The following ROBO2 variants were observed in gnomAD, a reference collection of about 807,000 sequenced individuals.
ROBO2 encodes roundabout homolog 2.
A neutral mutation model predicts 160.8 loss-of-function variants in ROBO2; 53 were observed. That is an observed-to-expected ratio of 0.33 (90% CI 0.26 to 0.41). The LOEUF is 0.41. ROBO2 is among the 10% of genes least tolerant of loss of function. The pLI is 1.00. For synonymous variants in ROBO2, 664 were observed against 611.7 expected (o/e 1.09, Z -1.26); for missense variants, 1,577 against 1,722.4 (o/e 0.92, Z 1.49).
chr3:77,353,107 A>AT (rs11274865), intron 2 of ROBO2, among the ~76,000 whole-genome samples: 76,300 of 151,938 alleles, frequency 0.5, 19,584 homozygotes, highest in East Asian at 0.8. Context: ...ATAGTTTAAA[A>AT]ATTTATTTTT....
intron 2 of ROBO2, among the ~76,000 whole-genome samples, chr3:76,223,567 T>C (rs1704108528): frequency 6.6e-6 from 1 of 152,132 alleles, no homozygotes; most frequent in Non-Finnish European, 1.5e-5. Context: ...TCCCAGCTTA[T>C]AGGTTTCAGT....
chr3:76,601,413 T>A (rs2087131769), intron 2 of ROBO2, among the ~76,000 whole-genome samples: 1 of 152,170 alleles, frequency 6.6e-6, no homozygotes, highest in African/African-American at 2.4e-5. Flanking sequence ...TGCAGCAAAC[T>A]TTAGCCTGGG....
chr3:76,578,784 A>G (rs994129699), intron 2 of ROBO2, among the ~76,000 whole-genome samples: 2 of 152,056 alleles, frequency 1.3e-5, no homozygotes, highest in Non-Finnish European at 2.9e-5. Context: ...AATATATTCA[A>G]CAGCCTCCAC....
At position 77,477,920 on chromosome 3, in the gene ROBO2, G is replaced by A. The variant is rs985416911; in HGVS notation, c.546+349G>A. ...CTGCTCACCGCAACCTCTGCCTCCCGGTTTCAAGTGATTCTTCTGCCTTAG... is the reference window on the plus strand; with the variant it reads ...CTGCTCACCGCAACCTCTGCCTCCCAGTTTCAAGTGATTCTTCTGCCTTAG... On this transcript the variant is annotated intron_variant, in intron 3 of 25. Transcript: ENST00000461745. 6.8e-5 allele frequency among the ~76,000 whole-genome samples: 9 copies of A among 132,398 alleles called. No individual in the cohort carries two copies. The East Asian group carries it at 7.2e-4, about 11-fold the overall frequency. 86.9% of individuals were successfully genotyped at this position (132,398 alleles called of 152,430 possible).
At chr3:76,491,045 C>T (rs1023635281) in intron 2 of ROBO2, among the ~76,000 whole-genome samples, 2 of 151,824 alleles carry the variant, frequency 1.3e-5, no homozygotes, top group Admixed American at 6.6e-5. Flanking sequence ...CTGCAACCTC[C>T]GCCTCCCAGG....
At chr3:77,295,134 G>C (rs2153402392) in intron 2 of ROBO2, among the ~76,000 whole-genome samples, 1 of 149,910 alleles carries the variant, frequency 6.7e-6, no homozygotes, top group Non-Finnish European at 1.5e-5. Flanking sequence ...GGTCACCCCA[G>C]ATATAAAGTA....
intron 2 of ROBO2, among the ~76,000 whole-genome samples, chr3:76,278,825 G>A (rs961954077): frequency 1.3e-5 from 2 of 151,878 alleles, no homozygotes; most frequent in Non-Finnish European, 2.9e-5. Flanking sequence ...ATTTTGGAGA[G>A]AATGTGAACG....
upstream of ROBO2, among the ~76,000 whole-genome samples, chr3:77,039,251 C>G (rs73110408): frequency 7.8e-3 from 1,192 of 152,278 alleles, 10 homozygotes; most frequent in Non-Finnish European, 0.013. Context: ...CTTTCCAGTC[C>G]AAAAGGTGCT....
intron 2 of ROBO2, among the ~76,000 whole-genome samples, chr3:76,634,508 C>T (rs1047302186): frequency 1.3e-5 from 2 of 151,238 alleles, no homozygotes; most frequent in Non-Finnish European, 2.9e-5. Context: ...GCAGGGGTTG[C>T]AGTGAGCCGA....
At chr3:77,554,542 C>T (rs1057504647) in intron 8 of ROBO2, among the ~76,000 whole-genome samples, 1 of 151,912 alleles carries the variant, frequency 6.6e-6, no homozygotes, top group East Asian at 1.9e-4. Context: ...CCATTAAGAA[C>T]ATTTATGATT....
chr3:76,159,945 C>T (rs2072556261), intron 2 of ROBO2, among the ~76,000 whole-genome samples: 1 of 152,082 alleles, frequency 6.6e-6, no homozygotes, highest in South Asian at 2.1e-4. Flanking sequence ...GATTTTCCAT[C>T]AAAACTCTTA....
At chr3:76,222,114 A>C (rs545711272) in intron 2 of ROBO2, among the ~76,000 whole-genome samples, 160 of 152,222 alleles carry the variant, frequency 1.1e-3, no homozygotes, top group African/African-American at 3.1e-3. Flanking sequence ...TGCTGAGTGC[A>C]TGCATAACCT....
At chr3:75,978,772 A>G (rs144661962) in intron 2 of ROBO2, among the ~76,000 whole-genome samples, 70 of 151,702 alleles carry the variant, frequency 4.6e-4, no homozygotes, top group African/African-American at 1.5e-3. Flanking sequence ...ACAGTTATTT[A>G]TACCAGTAAT....
chr3:76,093,221 C>A (rs1425345222), intron 2 of ROBO2, among the ~76,000 whole-genome samples: 1 of 151,960 alleles, frequency 6.6e-6, no homozygotes, highest in African/African-American at 2.4e-5. Context: ...CAGTCCCTGA[C>A]ATTAACACCA....
intron 2 of ROBO2, among the ~76,000 whole-genome samples, chr3:76,291,763 A>C (rs1708815655): frequency 6.6e-6 from 1 of 152,068 alleles, no homozygotes; most frequent in South Asian, 2.1e-4. Context: ...TTATGCCTTA[A>C]TTTCATTATT....
chr3:77,252,669 G>T (rs1031447775), intron 2 of ROBO2, among the ~76,000 whole-genome samples: 2 of 150,088 alleles, frequency 1.3e-5, no homozygotes, highest in Non-Finnish European at 3.0e-5. Context: ...TTAGCTGGGC[G>T]TGGTGGCGGG....
At chr3:77,328,980 T>C (rs903653164) in intron 2 of ROBO2, among the ~76,000 whole-genome samples, 1 of 152,218 alleles carries the variant, frequency 6.6e-6, no homozygotes, top group Non-Finnish European at 1.5e-5. Context: ...CAACTTTTAA[T>C]TTTTTCTTTT....
chr3:77,440,680 A>G (rs923779584), intron 2 of ROBO2, among the ~76,000 whole-genome samples: 2 of 152,212 alleles, frequency 1.3e-5, no homozygotes, highest in South Asian at 2.1e-4. Context: ...ATTATTCTCA[A>G]TTGCAAGACC....
intron 2 of ROBO2, among the ~76,000 whole-genome samples, chr3:76,665,611 G>A (rs1392421207): frequency 1.3e-5 from 2 of 151,260 alleles, no homozygotes; most frequent in African/African-American, 4.9e-5. Flanking sequence ...GATTTTCAAG[G>A]TTTGATGTTA....
Sources: gnomAD v4.1 joint callset for allele counts (sites outside exome capture counted in the v4.1 genomes callset) on GRCh38, gnomAD v4.1.1 for gene constraint, MANE v1.5 for transcripts, NCBI Gene and HGNC (gene_info 2026-07-23, HGNC 2026-07-21) for gene names.